The following LRFN5 variants were observed in gnomAD, a reference collection of about 807,000 sequenced individuals.
LRFN5 encodes the protein leucine rich repeat and fibronectin type III domain containing 5.
A neutral mutation model predicts 45.6 loss-of-function variants in LRFN5; 24 were observed. The ratio of observed to expected loss-of-function variants is 0.53; its 90% CI spans 0.38 to 0.74. LRFN5 has a LOEUF of 0.74. Ranked by LOEUF, LRFN5 falls within the 30% of genes least tolerant of loss-of-function variation. The probability of loss-of-function intolerance (pLI) is 0.00; values close to 1 mark genes in which losing one functional copy is unlikely to be tolerated. For missense variants in LRFN5, 776 were observed against 861.5 expected, an observed-to-expected ratio of 0.90 and a Z score of 1.24; for synonymous variants, 340 against 313.8, an observed-to-expected ratio of 1.08 and a Z score of -0.88.
At chr14:41,757,681 A>G (rs1389117837) in intron 1 of LRFN5, among the ~76,000 whole-genome samples, 1 of 152,134 alleles carries the variant, frequency 6.6e-6, no homozygotes, top group Non-Finnish European at 1.5e-5. Flanking sequence ...TAGGAAAGGG[A>G]ATTCCCTGAC....
chr14:41,876,605 T>C (rs910795607), intron 2 of LRFN5, among the ~76,000 whole-genome samples: 1 of 152,114 alleles, frequency 6.6e-6, no homozygotes, highest in African/African-American at 2.4e-5. Flanking sequence ...CAGTTGTCTT[T>C]TTCTTTTACT....
At chr14:41,690,850 T>C (rs1882349050) in intron 1 of LRFN5, among the ~76,000 whole-genome samples, 1 of 152,130 alleles carries the variant, frequency 6.6e-6, no homozygotes, top group Non-Finnish European at 1.5e-5. Flanking sequence ...ATATCAAACT[T>C]CGTAAGTTTT....
intron 1 of LRFN5, among the ~76,000 whole-genome samples, chr14:41,662,960 T>C (rs867217409): frequency 6.6e-6 from 1 of 152,052 alleles, no homozygotes; most frequent in African/African-American, 2.4e-5. Context: ...ACATATCATA[T>C]GAAATTGTAC....
At chr14:41,643,699 G>T in intron 1 of LRFN5, among the ~76,000 whole-genome samples, 1 of 146,898 alleles carries the variant, frequency 6.8e-6, no homozygotes, top group Non-Finnish European at 1.5e-5. Context: ...TGCACACATA[G>T]ACATAAACAC....
intron 1 of LRFN5, among the ~76,000 whole-genome samples, chr14:41,706,575 T>A (rs1594632984): frequency 1.3e-5 from 2 of 152,330 alleles, no homozygotes; most frequent in East Asian, 3.9e-4. Context: ...TTTATTCATA[T>A]GTGAGTATGT....
chr14:41,877,111 T>C (rs1890212302), intron 2 of LRFN5, among the ~76,000 whole-genome samples: 1 of 152,094 alleles, frequency 6.6e-6, no homozygotes, highest in African/African-American at 2.4e-5. Context: ...GAAATAGATG[T>C]CTCTCTCTCT....
intron 1 of LRFN5, among the ~76,000 whole-genome samples, chr14:41,725,456 C>A (rs116685845): frequency 0.012 from 1,785 of 152,248 alleles, 35 homozygotes; most frequent in African/African-American, 0.04. Flanking sequence ...CTTCTTGTCT[C>A]TTCTAACCCT....
intron 2 of LRFN5, among the ~76,000 whole-genome samples, chr14:41,775,528 T>TTCA (rs1177174647): frequency 2.6e-5 from 4 of 152,218 alleles, no homozygotes; most frequent in African/African-American, 9.6e-5. Context: ...TCTTCAAGCT[T>TTCA]TCACATACTG....
intron 1 of LRFN5, among the ~76,000 whole-genome samples, chr14:41,743,743 G>T (rs1174620822): frequency 6.6e-6 from 1 of 151,980 alleles, no homozygotes; most frequent in Non-Finnish European, 1.5e-5. Flanking sequence ...TAGCTTAATT[G>T]GCTCTCTGTA....
intron 1 of LRFN5, among the ~76,000 whole-genome samples, chr14:41,719,197 C>T (rs1418486390): frequency 2.0e-5 from 3 of 152,070 alleles, no homozygotes; most frequent in East Asian, 3.9e-4. Context: ...TACTCTCATC[C>T]TGGCTGTGGG....
At chr14:41,657,139 G>A (rs189284129) in intron 1 of LRFN5, among the ~76,000 whole-genome samples, 14 of 151,922 alleles carry the variant, frequency 9.2e-5, no homozygotes, top group African/African-American at 3.1e-4. Context: ...ATATCTTTCT[G>A]CTATGTTTCT....
At chr14:41,729,247 C>A (rs1429604786) in intron 1 of LRFN5, among the ~76,000 whole-genome samples, 1 of 152,014 alleles carries the variant, frequency 6.6e-6, no homozygotes, top group Non-Finnish European at 1.5e-5. Flanking sequence ...AAGTTATTGC[C>A]CAGTTTGTTC....
chr14:41,750,156 A>G lies in LRFN5; in HGVS notation c.-196-16698A>G, dbSNP rs372357433. Among the ~76,000 whole-genome samples the G allele has an allele frequency of 4.6e-5, 7 of 151,640 alleles. No homozygotes were observed. The East Asian group carries it at 9.6e-4, about 21-fold the overall frequency. On this transcript the variant is annotated intron_variant, in intron 1 of 5. Transcript: ENST00000298119. The stretch of plus-strand genomic sequence containing the variant: ...TAATTTTACAATTTGGTCCCTATAA[A>G]TTAAATTTCCATTTTATTTCTTATT...
chr14:41,682,497 TTGAAA>T (rs1566619306), intron 1 of LRFN5, among the ~76,000 whole-genome samples: 1 of 151,814 alleles, frequency 6.6e-6, no homozygotes. Flanking sequence ...ATAAATGAAA[TTGAAA>T]TGAAAGTAAC....
intron 2 of LRFN5, among the ~76,000 whole-genome samples, chr14:41,819,997 T>A (rs1888058647): frequency 6.6e-6 from 1 of 151,810 alleles, no homozygotes; most frequent in African/African-American, 2.4e-5. Flanking sequence ...TCTTTGGCAT[T>A]CTTTTAGATG....
intron 1 of LRFN5, among the ~76,000 whole-genome samples, chr14:41,686,433 C>G (rs766326982): frequency 6.6e-6 from 1 of 152,014 alleles, no homozygotes; most frequent in East Asian, 1.9e-4. Flanking sequence ...TTGACTTCCT[C>G]TATTCCTATT....
intron 1 of LRFN5, among the ~76,000 whole-genome samples, chr14:41,648,327 C>G (rs1039508897): frequency 6.6e-6 from 1 of 151,966 alleles, no homozygotes; most frequent in African/African-American, 2.4e-5. Flanking sequence ...TGGAAATCTT[C>G]CAAATCAATA....
At position 41,888,235 on chromosome 14, in the gene LRFN5, T is replaced by C. The variant is rs574391883; in HGVS notation, c.1385+225T>C. The stretch of plus-strand genomic sequence containing the variant: ...TATATTTAATATTATGCTTACTTAC[T>C]TTTTTCCCCCTCATCTAAGAGATGT... On this transcript the variant is annotated intron_variant, in intron 3 of 5. Coordinates refer to ENST00000298119, the MANE Select transcript of LRFN5 (RefSeq NM_152447.5). 5.3e-5 allele frequency among the ~76,000 whole-genome samples: 8 copies of C among 152,250 alleles called. No homozygotes were observed. The South Asian group carries it at 1.2e-3, about 24-fold the overall frequency.
intron 1 of LRFN5, among the ~76,000 whole-genome samples, chr14:41,662,213 A>C (rs1434582717): frequency 6.6e-6 from 1 of 152,096 alleles, no homozygotes; most frequent in African/African-American, 2.4e-5. Flanking sequence ...GTCAAATATG[A>C]ATAAGAGCTG....
Sources: gnomAD v4.1 joint callset for allele counts (sites outside exome capture counted in the v4.1 genomes callset) on GRCh38, gnomAD v4.1.1 for gene constraint, MANE v1.5 for transcripts, NCBI Gene and HGNC (gene_info 2026-07-23, HGNC 2026-07-21) for gene names.